PCBP3: variants seen among roughly 807,000 people sequenced by gnomAD.
The protein encoded by PCBP3 is poly(rC) binding protein 3, also known as poly(rC)-binding protein 3.
A neutral mutation model predicts 52.7 loss-of-function variants in PCBP3; 25 were observed. That is an observed-to-expected ratio of 0.47 (90% CI 0.35 to 0.66). The LOEUF (loss-of-function observed/expected upper bound fraction) is 0.66. PCBP3 is among the 30% of genes least tolerant of loss of function. The pLI is 0.01. For synonymous variants in PCBP3, 162 were observed against 183.0 expected (o/e 0.89, Z 0.93); for missense variants, 391 against 490.3 (o/e 0.80, Z 1.91).
At chr21:45,849,785 CA>C (rs1367523349) in intron 4 of PCBP3, among the ~76,000 whole-genome samples, 175 bp from the exon 5 acceptor site, 2 of 152,132 alleles carry the variant, frequency 1.3e-5, no homozygotes, top group Admixed American at 6.5e-5. Flanking sequence ...GGAAGAGCCC[CA>C]GGGGGGAGCG....
intron 4 of PCBP3, among the ~76,000 whole-genome samples, chr21:45,847,703 T>G (rs1201051444): frequency 6.6e-6 from 1 of 152,246 alleles, no homozygotes; most frequent in African/African-American, 2.4e-5. Context: ...CCATCTGATT[T>G]TCTTCCCTTT....
intron 15 of PCBP3, 127 bp downstream of exon 15, chr21:45,930,972 C>T (rs1269219048): frequency 5.2e-6 from 7 of 1,347,522 alleles, no homozygotes; most frequent in East Asian, 2.5e-5. Flanking sequence ...GGGCCAGCCT[C>T]AGGTGCTGCC....
chr21:45,926,164 A>T (rs1484356675), intron 13 of PCBP3, among the ~76,000 whole-genome samples: 1 of 152,236 alleles, frequency 6.6e-6, no homozygotes, highest in East Asian at 1.9e-4. Context: ...TGGTGATGCC[A>T]TGAGAGTATA....
intron 5 of PCBP3, among the ~76,000 whole-genome samples, chr21:45,875,877 G>T (rs1603461763): frequency 6.6e-6 from 1 of 152,166 alleles, no homozygotes; most frequent in African/African-American, 2.4e-5. Flanking sequence ...TTGATTTTCG[G>T]CTGTCTGGAT....
intron 1 of PCBP3, among the ~76,000 whole-genome samples, chr21:45,663,323 A>G (rs1156505320): frequency 1.3e-5 from 2 of 151,122 alleles, no homozygotes; most frequent in African/African-American, 4.9e-5. Flanking sequence ...GCAGCCTGGC[A>G]TTCGGGGCCA....
intron 2 of PCBP3, among the ~76,000 whole-genome samples, chr21:45,690,476 A>G (rs933559095): frequency 2.0e-5 from 3 of 152,200 alleles, no homozygotes; most frequent in Non-Finnish European, 4.4e-5. Context: ...AAACTAATTT[A>G]CATCTCATCA....
At chr21:45,701,250 G>T (rs1196246467) in intron 2 of PCBP3, among the ~76,000 whole-genome samples, 1 of 152,138 alleles carries the variant, frequency 6.6e-6, no homozygotes, top group Admixed American at 6.5e-5. Context: ...TCTTCCCTCT[G>T]ACTCAGTGTG....
intron 3 of PCBP3, chr21:45,750,976 G>C (rs2087433203): frequency 6.6e-6 from 1 of 151,952 alleles, no homozygotes; most frequent in South Asian, 2.1e-4. Context: ...TTCTCTTCCT[G>C]TTATCCCCAC....
intron 2 of PCBP3, among the ~76,000 whole-genome samples, chr21:45,732,245 AC>A (rs2085508116): frequency 6.6e-6 from 1 of 152,050 alleles, no homozygotes; most frequent in Non-Finnish European, 1.5e-5. Context: ...TTCTCTGTTC[AC>A]CCTGTCTGTG....
At chr21:45,941,122 C>G (rs1433454200) in intron 17 of PCBP3, among the ~76,000 whole-genome samples, 1 of 145,468 alleles carries the variant, frequency 6.9e-6, no homozygotes, top group African/African-American at 2.6e-5. Context: ...TGCCTCGATC[C>G]AGAGCCAGGT....
intron 5 of PCBP3, among the ~76,000 whole-genome samples, chr21:45,883,211 T>C (rs1192600973): frequency 6.6e-6 from 1 of 152,244 alleles, no homozygotes; most frequent in Non-Finnish European, 1.5e-5. Context: ...TCTTGTTATC[T>C]TTCCATGATT....
chr21:45,875,247 C>G (rs918941206), intron 5 of PCBP3, among the ~76,000 whole-genome samples: 8 of 151,594 alleles, frequency 5.3e-5, no homozygotes, highest in African/African-American at 1.7e-4. Flanking sequence ...CCCCTCCGTG[C>G]TGCGCGCTCC....
At chr21:45,865,087 G>C (rs1192498894) in intron 5 of PCBP3, among the ~76,000 whole-genome samples, 2 of 152,142 alleles carry the variant, frequency 1.3e-5, no homozygotes, top group African/African-American at 4.8e-5. Context: ...ATTAAGATGG[G>C]GTAGAAGAAT....
At chr21:45,889,295 G>T (rs974273328) in intron 5 of PCBP3, among the ~76,000 whole-genome samples, 1 of 152,216 alleles carries the variant, frequency 6.6e-6, no homozygotes, top group East Asian at 1.9e-4. Flanking sequence ...CCTCTGATTT[G>T]CCTTCCTCCG....
At chr21:45,721,137 G>T (rs1425676003) in intron 2 of PCBP3, among the ~76,000 whole-genome samples, 1 of 152,214 alleles carries the variant, frequency 6.6e-6, no homozygotes, top group Non-Finnish European at 1.5e-5. Flanking sequence ...TTGAGGCCAG[G>T]TGCAGTGGCT....
At chr21:45,888,883 A>G (rs1234248533) in intron 5 of PCBP3, among the ~76,000 whole-genome samples, 2 of 152,240 alleles carry the variant, frequency 1.3e-5, no homozygotes, top group Non-Finnish European at 2.9e-5. Context: ...TGCACATTAA[A>G]TCACACATGG....
chr21:45,771,115 G>A (rs574185382), intron 4 of PCBP3, among the ~76,000 whole-genome samples: 24 of 152,366 alleles, frequency 1.6e-4, no homozygotes, highest in African/African-American at 5.8e-4. Flanking sequence ...GCTCAGCCAG[G>A]GGTCTGCATT....
At chr21:45,672,246 A>G (rs1413248892) in intron 2 of PCBP3, among the ~76,000 whole-genome samples, 1 of 152,176 alleles carries the variant, frequency 6.6e-6, no homozygotes, top group Non-Finnish European at 1.5e-5. Flanking sequence ...GAAGATCCTC[A>G]CTAGATTCTC....
chr21:45,754,104 T>G (rs558328093), intron 3 of PCBP3, among the ~76,000 whole-genome samples: 17 of 152,206 alleles, frequency 1.1e-4, no homozygotes, highest in Non-Finnish European at 2.2e-4. Context: ...ACTTATTAGG[T>G]CATTCTGAAA....
Sources: gnomAD v4.1 joint callset for allele counts (sites outside exome capture counted in the v4.1 genomes callset) on GRCh38, gnomAD v4.1.1 for gene constraint, MANE v1.5 for transcripts, NCBI Gene and HGNC (gene_info 2026-07-23, HGNC 2026-07-21) for gene names.